RIMS1: variants seen among roughly 807,000 people sequenced by gnomAD.
RIMS1 encodes regulating synaptic membrane exocytosis protein 1.
In RIMS1, 83 loss-of-function variants were observed where a neutral mutation model predicts 214.1. The ratio of observed to expected loss-of-function variants is 0.39; its 90% CI spans 0.32 to 0.47. The LOEUF is 0.47. Ranked by LOEUF, RIMS1 falls within the 20% of genes least tolerant of loss-of-function variation. RIMS1 has a pLI of 0.99. For synonymous variants in RIMS1, 793 were observed against 786.8 expected (o/e 1.01, Z -0.13); for missense variants, 2,050 against 2,161.8 (o/e 0.95, Z 1.03).
chr6:72,260,789 T>C (rs1467746448), intron 19 of RIMS1, 22 bp downstream of exon 19: 2 of 1,610,546 alleles, frequency 1.2e-6, no homozygotes, highest in Non-Finnish European at 1.7e-6. Flanking sequence ...GATTTGGTAA[T>C]GGTGACTGTG....
chr6:71,956,504 G>A (rs1455322120), intron 1 of RIMS1, among the ~76,000 whole-genome samples: 1 of 151,926 alleles, frequency 6.6e-6, no homozygotes, highest in Non-Finnish European at 1.5e-5. Flanking sequence ...TAATATAAGA[G>A]GAATATCACT....
chr6:72,387,921 G>A (rs1414871575), intron 29 of RIMS1, among the ~76,000 whole-genome samples: 2 of 152,090 alleles, frequency 1.3e-5, no homozygotes, highest in Non-Finnish European at 2.9e-5. Flanking sequence ...GTCATAAAGT[G>A]GAATAGTGCA....
At chr6:72,209,900 CAA>C (rs200401100) in intron 6 of RIMS1, among the ~76,000 whole-genome samples, 136 of 115,832 alleles carry the variant, frequency 1.2e-3, no homozygotes, top group African/African-American at 3.4e-3. Flanking sequence ...GACTCTGTCT[CAA>C]AAAAAAAAAA....
rs184471186 is a variant in RIMS1 at position 72,155,862 on chromosome 6, G to A, written c.472-23713G>A. Among the ~76,000 whole-genome samples the A allele has an allele frequency of 2.8e-3, 392 of 140,142 alleles. 21 individuals are homozygous for A. Among genetic ancestry groups the A allele is most frequent in the African/African-American group, 8.7e-3 (355 of 40,646 alleles). 91.9% of individuals were successfully genotyped at this position (140,142 alleles called of 152,430 possible). On this transcript the variant is annotated intron_variant, in intron 4 of 33. Coordinates refer to ENST00000521978, the MANE Select transcript of RIMS1 (RefSeq NM_014989.7). ...CAGAGCCAAACCATATCACTGGCCCGTAGGTATATCAGTAGGGGCTCAACA... is the reference window on the plus strand; with the variant it reads ...CAGAGCCAAACCATATCACTGGCCCATAGGTATATCAGTAGGGGCTCAACA...
intron 29 of RIMS1, among the ~76,000 whole-genome samples, chr6:72,366,559 A>G (rs1275924023): frequency 6.6e-6 from 1 of 152,206 alleles, no homozygotes; most frequent in African/African-American, 2.4e-5. Flanking sequence ...CAAATTTATG[A>G]CACATGGCAA....
intron 29 of RIMS1, 21 bp from the exon 30 acceptor site, chr6:72,390,577 T>A: frequency 6.3e-7 from 1 of 1,599,142 alleles, no homozygotes; most frequent in Non-Finnish European, 8.5e-7. Flanking sequence ...ACTTAGAGTT[T>A]CTTTTACTCT....
chr6:72,266,107 C>T (rs1257504290), intron 22 of RIMS1, 58 bp downstream of exon 22: 1 of 1,268,788 alleles, frequency 7.9e-7, no homozygotes, highest in Non-Finnish European at 1.1e-6. Flanking sequence ...TTTTTTCAGT[C>T]ACTTTGTTTT....
intron 2 of RIMS1, among the ~76,000 whole-genome samples, chr6:72,038,672 G>T (rs1034650769): frequency 6.6e-6 from 1 of 152,152 alleles, no homozygotes; most frequent in Non-Finnish European, 1.5e-5. Context: ...TGTGGTGAAA[G>T]TAGCGTCAGT....
intron 23 of RIMS1, among the ~76,000 whole-genome samples, chr6:72,283,560 T>G (rs1027344851): frequency 6.6e-6 from 1 of 152,196 alleles, no homozygotes; most frequent in South Asian, 2.1e-4. Context: ...AGCATTTTTC[T>G]TCTCTTTTCT....
intron 6 of RIMS1, among the ~76,000 whole-genome samples, chr6:72,190,045 C>T (rs1226414004): frequency 1.3e-5 from 2 of 152,200 alleles, no homozygotes; most frequent in Non-Finnish European, 1.5e-5. Context: ...GCCTGTGAAT[C>T]AGTATGTAAT....
intron 6 of RIMS1, among the ~76,000 whole-genome samples, chr6:72,183,594 T>G (rs201804461): frequency 1.4e-5 from 2 of 145,520 alleles, no homozygotes; most frequent in East Asian, 4.1e-4. Flanking sequence ...AAACTTCAAA[T>G]TAACCTTTCT....
chr6:71,988,392 T>C (rs1397428200), intron 2 of RIMS1, among the ~76,000 whole-genome samples: 1 of 152,108 alleles, frequency 6.6e-6, no homozygotes, highest in African/African-American at 2.4e-5. Flanking sequence ...CCAAGTTCTT[T>C]GGGGTCCATG....
chr6:72,255,854 G>A (rs2075588998), intron 16 of RIMS1, among the ~76,000 whole-genome samples: 1 of 151,926 alleles, frequency 6.6e-6, no homozygotes, highest in Non-Finnish European at 1.5e-5. Context: ...TGCCCAATGT[G>A]GTGAAATTTC....
intron 4 of RIMS1, among the ~76,000 whole-genome samples, chr6:72,170,055 G>A (rs1010912058): frequency 1.3e-5 from 2 of 152,046 alleles, no homozygotes; most frequent in Admixed American, 6.5e-5. Flanking sequence ...TATCTTATAC[G>A]ACCTGAACCA....
intron 4 of RIMS1, among the ~76,000 whole-genome samples, chr6:72,175,566 G>A (rs535719740): frequency 2.0e-5 from 3 of 152,062 alleles, no homozygotes; most frequent in Non-Finnish European, 4.4e-5. Flanking sequence ...TCAGCTACTC[G>A]GGAGGCTGGG....
At chr6:72,398,174 C>A (rs760497384) in intron 31 of RIMS1, 75 bp from the exon 32 acceptor site, 3 of 848,812 alleles carry the variant, frequency 3.5e-6, no homozygotes, top group African/African-American at 3.4e-5. Context: ...TAGTCTGTTA[C>A]GGGCTCTCCT....
chr6:72,183,231 T>C (rs1359121419), intron 6 of RIMS1, 82 bp downstream of exon 6: 12 of 1,429,470 alleles, frequency 8.4e-6, no homozygotes, highest in Admixed American at 2.0e-5. Context: ...GGCTAGTTGC[T>C]GGGTTCAGCA....
At chr6:71,913,111 T>C (rs1293986514) in intron 1 of RIMS1, among the ~76,000 whole-genome samples, 1 of 152,178 alleles carries the variant, frequency 6.6e-6, no homozygotes, top group Non-Finnish European at 1.5e-5. Flanking sequence ...TATGTGCTAA[T>C]GCCTTAATAT....
chr6:72,057,247 G>A (rs942221612), intron 2 of RIMS1, among the ~76,000 whole-genome samples: 1 of 152,162 alleles, frequency 6.6e-6, no homozygotes, highest in Non-Finnish European at 1.5e-5. Flanking sequence ...AGATAACATT[G>A]TCTGAATTCA....
Sources: gnomAD v4.1 joint callset for allele counts (sites outside exome capture counted in the v4.1 genomes callset) on GRCh38, gnomAD v4.1.1 for gene constraint, MANE v1.5 for transcripts, NCBI Gene and HGNC (gene_info 2026-07-23, HGNC 2026-07-21) for gene names.